Variants in GABRB1 observed in about 807,000 individuals in gnomAD.
GABRB1 encodes gamma-aminobutyric acid receptor subunit beta-1.
In GABRB1, 17 loss-of-function variants were observed where a neutral mutation model predicts 51.6. The ratio of observed to expected loss-of-function variants is 0.33; its 90% CI spans 0.23 to 0.49. The LOEUF (loss-of-function observed/expected upper bound fraction) is 0.49. Ranked by LOEUF, GABRB1 falls within the 20% of genes least tolerant of loss-of-function variation. GABRB1 has a pLI of 0.99. For missense variants in GABRB1, 410 were observed against 600.6 expected, an observed-to-expected ratio of 0.68 and a Z score of 3.32; for synonymous variants, 247 against 218.9, an observed-to-expected ratio of 1.13 and a Z score of -1.14.
At chr4:47,323,670 A>G (rs1725160562) in intron 5 of GABRB1, among the ~76,000 whole-genome samples, 1 of 152,228 alleles carries the variant, frequency 6.6e-6, no homozygotes, top group African/African-American at 2.4e-5. Flanking sequence ...AACAGAGTGG[A>G]AACTTTGCCT....
chr4:47,381,076 G>A (rs1358367293), intron 5 of GABRB1, among the ~76,000 whole-genome samples: 1 of 152,100 alleles, frequency 6.6e-6, no homozygotes, highest in African/African-American at 2.4e-5. Flanking sequence ...GGAGAGCAGG[G>A]AAATGTGCCC....
intron 5 of GABRB1, among the ~76,000 whole-genome samples, chr4:47,393,259 A>T (rs530568656): frequency 5.6e-4 from 85 of 152,344 alleles, no homozygotes; most frequent in African/African-American, 2.0e-3. Context: ...CCTGGAATCT[A>T]CTACTTCAGT....
chr4:47,092,679 A>C (rs1285427828), intron 3 of GABRB1, among the ~76,000 whole-genome samples: 1 of 149,932 alleles, frequency 6.7e-6, no homozygotes, highest in Non-Finnish European at 1.5e-5. Context: ...CTCTTGGCTC[A>C]CTGGCTCACT....
chr4:47,235,127 T>A (rs1721280879), intron 4 of GABRB1, among the ~76,000 whole-genome samples: 1 of 152,214 alleles, frequency 6.6e-6, no homozygotes, highest in Non-Finnish European at 1.5e-5. Flanking sequence ...TTCCATAACA[T>A]ACTAACCAGT....
At chr4:47,365,292 A>G (rs922821459) in intron 5 of GABRB1, among the ~76,000 whole-genome samples, 4 of 152,198 alleles carry the variant, frequency 2.6e-5, no homozygotes, top group African/African-American at 9.7e-5. Flanking sequence ...CAAAATTCCA[A>G]ATGATAGTCT....
intron 5 of GABRB1, among the ~76,000 whole-genome samples, chr4:47,390,899 C>T (rs545655627): frequency 4.2e-4 from 64 of 152,198 alleles, no homozygotes; most frequent in African/African-American, 7.2e-4. Flanking sequence ...GTAAGCTGGC[C>T]GGGCACGGTG....
At chr4:47,325,941 G>A (rs1174377464) in intron 5 of GABRB1, among the ~76,000 whole-genome samples, 8 of 152,076 alleles carry the variant, frequency 5.3e-5, no homozygotes, top group Admixed American at 5.2e-4. Context: ...AGATCACAAG[G>A]GCAGAGTCCT....
intron 3 of GABRB1, among the ~76,000 whole-genome samples, chr4:47,154,631 G>A (rs1233134670): frequency 6.6e-6 from 1 of 151,964 alleles, no homozygotes; most frequent in Non-Finnish European, 1.5e-5. Context: ...AGCTTTTTCT[G>A]GTTGGAGGCA....
chr4:47,295,383 C>T (rs1164016066), intron 4 of GABRB1, among the ~76,000 whole-genome samples: 1 of 152,112 alleles, frequency 6.6e-6, no homozygotes, highest in Admixed American at 6.6e-5. Context: ...GAATGAATAA[C>T]TAGAATAACC....
At chr4:47,200,171 C>G (rs530099558) in intron 4 of GABRB1, among the ~76,000 whole-genome samples, 3 of 152,106 alleles carry the variant, frequency 2.0e-5, no homozygotes, top group Non-Finnish European at 4.4e-5. Flanking sequence ...TAGGACCAAT[C>G]GATTGTTGGT....
rs765452965 is a variant in GABRB1 at position 47,403,588 on chromosome 4, C to T, written c.712C>T (p.Arg238Cys). Reference protein sequence around the residue: ...GAYPRLSLSFRLKRNIGYFIL... With the variant: ...GAYPRLSLSFCLKRNIGYFIL... ...GTATCCACGACTGTCACTAAGTTTT[C>T]GTCTAAAGAGAAACATTGGTTACTT... Residue 238 changes from arginine to cysteine, a missense_variant, in exon 7 of 9, where the codon CGT (arginine) becomes TGT (cysteine). Coordinates refer to ENST00000295454, the MANE Select transcript of GABRB1 (RefSeq NM_000812.4). 9 of 1,613,996 alleles carry T rather than the reference C, an allele frequency of 5.6e-6. No individual in the cohort carries two copies. The highest frequency in any genetic ancestry group is 7.6e-6 in the Non-Finnish European group (9 of 1,179,924).
At chr4:47,194,420 C>G (rs1719563636) in intron 4 of GABRB1, among the ~76,000 whole-genome samples, 1 of 152,088 alleles carries the variant, frequency 6.6e-6, no homozygotes, top group Non-Finnish European at 1.5e-5. Context: ...TGCCATTTCT[C>G]TTATGAAAAT....
At chr4:47,330,052 C>G (rs1192301011) in intron 5 of GABRB1, among the ~76,000 whole-genome samples, 1 of 152,058 alleles carries the variant, frequency 6.6e-6, no homozygotes, top group Non-Finnish European at 1.5e-5. Flanking sequence ...GACTCAAGAC[C>G]TAGGAAGTAC....
chr4:47,062,586 C>A (rs1239717232), intron 3 of GABRB1, among the ~76,000 whole-genome samples: 1 of 151,964 alleles, frequency 6.6e-6, no homozygotes, highest in African/African-American at 2.4e-5. Flanking sequence ...TGCTCTTCTT[C>A]TTCAAAAGCA....
At chr4:47,007,165 GA>G (rs1385784029) in intron 1 of GABRB1, among the ~76,000 whole-genome samples, 1 of 151,278 alleles carries the variant, frequency 6.6e-6, no homozygotes, top group Non-Finnish European at 1.5e-5. Context: ...AAAAAGAAAA[GA>G]AAGTACATAA....
chr4:47,019,664 TTTCTTTC>T (rs1339141373), intron 1 of GABRB1, among the ~76,000 whole-genome samples: 28 of 144,506 alleles, frequency 1.9e-4, no homozygotes, highest in African/African-American at 7.4e-4. Context: ...TCTTTCTTTC[TTTCTTTC>T]TTTCTTTCCT....
In GABRB1 at chr4:47,412,021, C is replaced by G. The variant is rs140933349; in HGVS notation, c.1080+5095C>G. Among the ~76,000 whole-genome samples the G allele has an allele frequency of 5.3e-3, 812 of 152,260 alleles. 7 individuals carry two copies. Among genetic ancestry groups the G allele is most frequent in the African/African-American group, 0.018 (754 of 41,556 alleles). ...ATTGTAGCAGTTCTTACCATAAATG[C>G]TACTACTTTGGGGTTGCCTTAATAG... On this transcript the variant is annotated intron_variant, in intron 8 of 8. Transcript: ENST00000295454.
At chr4:47,011,352 A>C (rs1724577019) in intron 1 of GABRB1, among the ~76,000 whole-genome samples, 1 of 152,160 alleles carries the variant, frequency 6.6e-6, no homozygotes, top group Non-Finnish European at 1.5e-5. Context: ...CCAGCTGTGA[A>C]CTGTCTGGGC....
chr4:47,224,617 A>G (rs1720886224), intron 4 of GABRB1, among the ~76,000 whole-genome samples: 1 of 152,054 alleles, frequency 6.6e-6, no homozygotes, highest in African/African-American at 2.4e-5. Context: ...GGTGGAGGGT[A>G]CTCTTGCTAA....
Sources: gnomAD v4.1 joint callset for allele counts (sites outside exome capture counted in the v4.1 genomes callset) on GRCh38, gnomAD v4.1.1 for gene constraint, MANE v1.5 for transcripts, NCBI Gene and HGNC (gene_info 2026-07-23, HGNC 2026-07-21) for gene names.